PNKP: variants seen among roughly 807,000 people sequenced by gnomAD.
PNKP encodes bifunctional polynucleotide phosphatase/kinase.
A neutral mutation model predicts 66.2 loss-of-function variants in PNKP; 82 were observed. The observed-to-expected ratio is 1.24, with a 90% confidence interval of 1.04 to 1.49. The LOEUF is 1.49. Among genes scored for constraint, PNKP ranks in the 40% most tolerant of loss-of-function variants. PNKP has a pLI of 0.00. For synonymous variants in PNKP, 412 were observed against 298.9 expected, an observed-to-expected ratio of 1.38 and a Z score of -3.90; for missense variants, 907 against 706.8, an observed-to-expected ratio of 1.28 and a Z score of -3.21.
chr19:49,865,425 A>T lies in PNKP; in HGVS notation c.200T>A (p.Leu67Gln). 6.3e-7 allele frequency: 1 copy of T among 1,599,230 alleles called. No individual in the cohort carries two copies. Among genetic ancestry groups the T allele is most frequent in the Non-Finnish European group, 8.5e-7 (1 of 1,172,526 alleles). ...PETRTVAVKQ[L>Q]GVNPSTTGTQ... The stretch of plus-strand genomic sequence containing the variant: ...CCCGGTAGTTGAGGGGTTAACTCCC[A>T]GCTGCAGAAAGAGAGGGAGGAGCTG... The change falls in exon 4 of 17, where the codon CTG (leucine) becomes CAG (glutamine). Residue 67 changes from leucine (L) to glutamine (Q), a missense_variant and splice_region_variant. Leu to Gln is a moderately radical substitution (Grantham distance 113). Coordinates refer to ENST00000322344, the MANE Select transcript of PNKP (RefSeq NM_007254.4).
chr19:49,863,964 CTGGAAGGGGA>C lies in PNKP; in HGVS notation c.734_743del (p.Val245GlyfsTer15). 2.5e-6 allele frequency: 4 copies of C among 1,611,414 alleles called. No homozygotes were observed. The highest frequency in any genetic ancestry group is 3.4e-6 in the Non-Finnish European group (4 of 1,177,696). ...CTCCCAGCCTCCCTTCCAGCCATACCTGGAAGGGGACCCCCAGCTTCTCCACCACAGCCTC... is the reference window on the plus strand; with the variant it reads ...CTCCCAGCCTCCCTTCCAGCCATACCCCCCCAGCTTCTCCACCACAGCCTC... On this transcript the variant is annotated frameshift_variant and splice_region_variant, in exon 7 of 17. Coordinates refer to ENST00000322344, the MANE Select transcript of PNKP (RefSeq NM_007254.4). LOFTEE classifies it high-confidence loss of function.
At position 49,861,495 on chromosome 19, in the gene PNKP, C is replaced by A; in HGVS notation, c.1402G>T (p.Asp468Tyr). 1 of 1,613,514 alleles carries A rather than the reference C, an allele frequency of 6.2e-7. No individual in the cohort carries two copies. The highest frequency in any genetic ancestry group is 1.1e-5 in the South Asian group (1 of 91,056). ...TCTGACACGGGGATATGAGAGGAGT[C>A]CGTCATCTCTCGAAACTGTGGGGAA... ...RHNNRFREMT[D>Y]SSHIPVSDMV... is the part of the protein sequence containing the mutation. The change falls in exon 16 of 17, where the codon GAC becomes TAC. Residue 468 changes from aspartate to tyrosine, a missense_variant. Coordinates refer to ENST00000322344, the MANE Select transcript of PNKP (RefSeq NM_007254.4).
chr19:49,862,338 ATCCC>A, intron 11 of PNKP, 29 bp downstream of exon 11: 2 of 660,942 alleles, frequency 3.0e-6, no homozygotes, highest in African/African-American at 1.9e-5. Flanking sequence ...GAGCCCTCCC[ATCCC>A]CACCCCCACC....
At position 49,861,600 on chromosome 19, in the gene PNKP, G is replaced by C; in HGVS notation, c.1386+8C>G. ...AGCCCGGGGGGTGTCCGGGCTGAGC[G>C]GGCTCACCCGGTTGTTGTGGCGCGC... On this transcript the variant is annotated splice_region_variant and intron_variant, in intron 15 of 16. Coordinates refer to ENST00000322344, the MANE Select transcript of PNKP (RefSeq NM_007254.4). 1 of 1,558,894 alleles carries C rather than the reference G, an allele frequency of 6.4e-7. No homozygotes were observed. Among genetic ancestry groups the C allele is most frequent in the Non-Finnish European group, 8.7e-7 (1 of 1,152,510 alleles).
At position 49,861,647 on chromosome 19, in the gene PNKP, G is replaced by T; in HGVS notation, c.1347C>A (p.Leu449=). ...GCGCCTGCTCCAGAGTGGCGGTGAAGAGGAAGCAGCGGCAGGGGACGCCCG... is the reference window on the plus strand; with the variant it reads ...GCGCCTGCTCCAGAGTGGCGGTGAATAGGAAGCAGCGGCAGGGGACGCCCG... ...RAAGVPCRCF[L]FTATLEQARH... is the part of the protein sequence containing the mutation. The change falls in exon 15 of 17, where the codon CTC becomes CTA. Residue 449 remains leucine, a synonymous_variant. Transcript: ENST00000322344. 6.4e-7 allele frequency: 1 copy of T among 1,552,000 alleles called. No individual in the cohort carries two copies. The highest frequency in any genetic ancestry group is 1.2e-5 in the South Asian group (1 of 84,548).
chr19:49,861,268 A>C lies in PNKP; in HGVS notation c.1546T>G (p.Cys516Gly), dbSNP rs2074752596. The C allele has an allele frequency of 6.2e-7, 1 of 1,610,002 alleles. No homozygotes were observed. The highest frequency in any genetic ancestry group is 1.7e-5 in the Admixed American group (1 of 60,006). The part of the protein sequence containing the change: ...WVEPRLGRLY[C>G]QFSEG ...GGGGCTCAGCCCTCGGAGAACTGGC[A>C]GTACAGCCGCCCCAGCCTCGGCTCC... The change falls in exon 17 of 17, where the codon TGC becomes GGC. Residue 516 changes from cysteine to glycine, a missense_variant. Coordinates refer to ENST00000322344, the MANE Select transcript of PNKP (RefSeq NM_007254.4).
Position 49,862,079 on chromosome 19 carries a change from G to A in PNKP, c.1153C>T (p.His385Tyr). 1 of 1,614,176 alleles carries A rather than the reference G, an allele frequency of 6.2e-7. No individual in the cohort carries two copies. The highest frequency in any genetic ancestry group is 8.5e-7 in the Non-Finnish European group (1 of 1,180,010). The stretch of plus-strand genomic sequence containing the variant: ...TGGACATATCCGGCCGACACGAGGT[G>A]CTTCTTGAGAAAGGTGGACTTCCCG... ...GAGKSTFLKKHLVSAGYVHVN... is the reference protein window; with the variant it reads ...GAGKSTFLKKYLVSAGYVHVN... Residue 385 changes from histidine to tyrosine, a missense_variant, in exon 13 of 17, where the codon CAC (histidine) becomes TAC (tyrosine). His to Tyr is a moderately conservative substitution (Grantham distance 83). Transcript: ENST00000322344.
At chr19:49,862,305 T>G in intron 11 of PNKP, 24 bp from the exon 12 acceptor site, 1 of 1,550,848 alleles carries the variant, frequency 6.4e-7, no homozygotes, top group Non-Finnish European at 8.7e-7. Flanking sequence ...GGGACACGCG[T>G]GAGATGCCGT....
chr19:49,862,353 C>G lies in PNKP; in HGVS notation c.1029+18G>C. The G allele has an allele frequency of 6.5e-7, 1 of 1,531,738 alleles. No individual in the cohort carries two copies. Among genetic ancestry groups the G allele is most frequent in the Non-Finnish European group, 8.8e-7 (1 of 1,131,614 alleles). The allele number at this position is 1,531,738 out of a possible 1,614,324, so 94.9% of individuals were successfully genotyped here. A position where few individuals can be genotyped will look rare whatever the true frequency, so the allele number is the denominator to read the frequency against. On this transcript the variant is annotated intron_variant, in intron 11 of 16. Transcript: ENST00000322344. ...GAGCCCTCCCATCCCCACCCCCACC[C>G]CCGCCCCAGGGCCTCACCGGATCAA...
chr19:49,862,233 G>A lies in PNKP; in HGVS notation c.1078C>T (p.Leu360Phe), dbSNP rs774520931. The change falls in exon 12 of 17, where the codon CTC becomes TTC. Residue 360 changes from leucine to phenylalanine, a missense_variant. By Grantham distance (22) the Leu-to-Phe change is conservative. Transcript: ENST00000322344. ...ACCACCTCCGGGCTGGCGCTCAGGA[G>A]GGCCCTGGACTCGGGGAGGCAGAGA... is the stretch of plus-strand genomic sequence containing the variant. Reference protein sequence around the residue: ...GPLCLPESRALLSASPEVVVA... With the variant: ...GPLCLPESRAFLSASPEVVVA... The A allele has an allele frequency of 1.2e-6, 2 of 1,612,264 alleles. No homozygotes were observed. The highest frequency in any genetic ancestry group is 2.2e-5 in the East Asian group (1 of 44,808).
rs766589333 is a variant in PNKP at position 49,865,361 on chromosome 19, C to T, written c.264G>A (p.Gly88=). 1.2e-6 allele frequency: 2 copies of T among 1,613,364 alleles called. No homozygotes were observed. The highest frequency in any genetic ancestry group is 1.7e-5 in the Admixed American group (1 of 59,976). Residue 88 remains glycine, a synonymous_variant, in exon 4 of 17, where the codon GGG becomes GGA. Coordinates refer to ENST00000322344, the MANE Select transcript of PNKP (RefSeq NM_007254.4). The stretch of plus-strand genomic sequence containing the variant: ...TGACCAAATACAGTGTGTCCCCCAC[C>T]CCCAGAGAGCCCTCCAACCCCGGCT... The part of the protein sequence containing the change: ...ELKPGLEGSL[G]VGDTLYLVNG...
Position 49,862,737 on chromosome 19 carries a change from G to A in PNKP, c.818C>T (p.Ala273Val). The change falls in exon 9 of 17, where the codon GCC becomes GTC. Residue 273 changes from alanine (A) to valine (V), a missense_variant and splice_region_variant. By Grantham distance (64) the Ala-to-Val change is moderately conservative. Coordinates refer to ENST00000322344, the MANE Select transcript of PNKP (RefSeq NM_007254.4). ...TGMWDHLQEQ[A>V]NDGTPISIGD... ...GATGGATATGGGCGTGCCGTCGTTG[G>A]CCTACGGGAGACGGTAGTGAGGAGG... The A allele has an allele frequency of 6.2e-7, 1 of 1,614,062 alleles. No homozygotes were observed. The highest frequency in any genetic ancestry group is 1.7e-5 in the Admixed American group (1 of 60,024).
chr19:49,867,243 G>A (rs991591539), intron 1 of PNKP, 26 bp from the exon 2 acceptor site: 13 of 1,579,054 alleles, frequency 8.2e-6, no homozygotes, highest in Middle Eastern at 2.1e-4. Flanking sequence ...ACGGGCTTGA[G>A]CGGCGCACAG....
rs549344539 is a variant in PNKP, at chr19:49,866,841, A to G, written c.151+213T>C. On this transcript the variant is annotated intron_variant, in intron 2 of 16. Coordinates refer to ENST00000322344, the MANE Select transcript of PNKP (RefSeq NM_007254.4). ...CCTGAGCATCATCCGCGCAGTGAAC[A>G]TCCTCCCTAAATCGGCTCGATCCCC... The G allele has an allele frequency of 4.8e-6, 3 of 621,746 alleles. No homozygotes were observed. The South Asian group carries it at 5.7e-5, about 12-fold the overall frequency. The allele number at this position is 621,746 out of a possible 1,614,324, so 38.5% of individuals were successfully genotyped here.
intron 3 of PNKP, chr19:49,865,880 T>C: frequency 4.2e-6 from 1 of 236,904 alleles, no homozygotes; most frequent in South Asian, 5.0e-5. Context: ...CCCAAAGTGC[T>C]GGGATTACAG....
intron 4 of PNKP, 56 bp downstream of exon 4, chr19:49,865,071 C>T (rs1214903279): frequency 2.7e-6 from 4 of 1,497,650 alleles, no homozygotes; most frequent in Non-Finnish European, 3.7e-6. Flanking sequence ...ACGCAACAAA[C>T]GTGGGATTGG....
intron 8 of PNKP, 46 bp from the exon 9 acceptor site, chr19:49,862,784 C>A (rs748199773): frequency 7.5e-6 from 12 of 1,607,094 alleles, no homozygotes; most frequent in Admixed American, 1.7e-5. Flanking sequence ...AATGTCCCCC[C>A]GCAGCGGTAG....
At chr19:49,861,741 C>T in intron 14 of PNKP, 31 bp downstream of exon 14, 1 of 1,555,494 alleles carries the variant, frequency 6.4e-7, no homozygotes, top group Non-Finnish European at 8.7e-7. Flanking sequence ...CACCCCGCCG[C>T]AGGCCACCTA....
chr19:49,861,649 G>GGAAGCAGCGGCAGGGGACGCCC lies in PNKP; in HGVS notation c.1323_1344dup (p.Leu449GlyfsTer52). ...GCCTGCTCCAGAGTGGCGGTGAAGAGGAAGCAGCGGCAGGGGACGCCCGCG... is the reference window on the plus strand; with the variant it reads ...GCCTGCTCCAGAGTGGCGGTGAAGAGGAAGCAGCGGCAGGGGACGCCCGAAGCAGCGGCAGGGGACGCCCGCG... On this transcript the variant is annotated frameshift_variant, in exon 15 of 17. Transcript: ENST00000322344. LOFTEE classifies it high-confidence loss of function. The GGAAGCAGCGGCAGGGGACGCCC allele has an allele frequency of 6.4e-7, 1 of 1,551,618 alleles. No homozygotes were observed. Among genetic ancestry groups the GGAAGCAGCGGCAGGGGACGCCC allele is most frequent in the African/African-American group, 1.4e-5 (1 of 73,322 alleles).
Sources: allele counts gnomAD v4.1 joint callset, GRCh38; gene constraint gnomAD v4.1.1; transcripts MANE v1.5; gene names NCBI Gene and HGNC (gene_info 2026-07-23, HGNC 2026-07-21).